Variants in TAFA2 observed in about 807,000 individuals in gnomAD.
TAFA2 encodes the protein chemokine-like protein TAFA-2.
In TAFA2, 7 loss-of-function variants were observed where a neutral mutation model predicts 18.8. The observed-to-expected ratio is 0.37, with a 90% CI of 0.21 to 0.70. The LOEUF (loss-of-function observed/expected upper bound fraction) is 0.70, where lower values mean the gene tolerates loss of function less well. Ranked by LOEUF, TAFA2 falls within the 30% of genes least tolerant of loss-of-function variation. TAFA2 has a pLI of 0.53. For missense variants in TAFA2, 122 were observed against 158.1 expected, an observed-to-expected ratio of 0.77 and a Z score of 1.23; for synonymous variants, 60 against 54.2, an observed-to-expected ratio of 1.11 and a Z score of -0.47.
At chr12:61,773,789 C>T (rs902695749) in intron 2 of TAFA2, among the ~76,000 whole-genome samples, 1 of 151,982 alleles carries the variant, frequency 6.6e-6, no homozygotes, top group Admixed American at 6.6e-5. Flanking sequence ...TAGACATTGG[C>T]TTAGGCAAAG....
chr12:61,874,615 G>C (rs368942350), intron 1 of TAFA2, among the ~76,000 whole-genome samples: 1 of 152,110 alleles, frequency 6.6e-6, no homozygotes, highest in African/African-American at 2.4e-5. Flanking sequence ...TGTTGGATTT[G>C]TGCAAATACC....
At chr12:62,006,029 A>C (rs1880538482) in intron 1 of TAFA2, among the ~76,000 whole-genome samples, 1 of 152,176 alleles carries the variant, frequency 6.6e-6, no homozygotes, top group African/African-American at 2.4e-5. Context: ...AATACTATGA[A>C]GACTCATAGC....
chr12:61,842,587 T>C (rs1873231253), intron 2 of TAFA2, among the ~76,000 whole-genome samples: 1 of 152,036 alleles, frequency 6.6e-6, no homozygotes, highest in East Asian at 1.9e-4. Context: ...GTGAACTCAT[T>C]AAAATACTTC....
At chr12:62,002,149 G>A (rs893429146) in intron 1 of TAFA2, among the ~76,000 whole-genome samples, 4 of 152,070 alleles carry the variant, frequency 2.6e-5, no homozygotes, top group East Asian at 1.9e-4. Flanking sequence ...TCCTGTAGTG[G>A]CTTATGTTTC....
At chr12:62,242,715 T>C (rs2062868130) in intron 1 of TAFA2, 1 of 152,252 alleles carries the variant, frequency 6.6e-6, no homozygotes, top group Non-Finnish European at 1.5e-5. Context: ...ATGCACATAT[T>C]ATTTTTTAAT....
intron 1 of TAFA2, among the ~76,000 whole-genome samples, chr12:62,092,214 T>C (rs151174723): frequency 1.3e-3 from 199 of 152,032 alleles, no homozygotes; most frequent in African/African-American, 4.6e-3. Context: ...CAGGAACAGA[T>C]TGTCCTATTA....
chr12:62,021,274 CT>C (rs939798390), intron 1 of TAFA2, among the ~76,000 whole-genome samples: 1 of 152,016 alleles, frequency 6.6e-6, no homozygotes, highest in Non-Finnish European at 1.5e-5. Context: ...GGAAAGGCTT[CT>C]TTTTTTAATT....
chr12:61,951,305 CA>C (rs1037083487), intron 1 of TAFA2, among the ~76,000 whole-genome samples: 1 of 151,996 alleles, frequency 6.6e-6, no homozygotes, highest in African/African-American at 2.4e-5. Flanking sequence ...ATTTTACAGG[CA>C]AATATGTTTT....
intron 1 of TAFA2, among the ~76,000 whole-genome samples, chr12:62,245,680 T>C (rs1374202934): frequency 2.0e-5 from 3 of 147,628 alleles, no homozygotes; most frequent in Non-Finnish European, 3.0e-5. Flanking sequence ...TTTTTATAAA[T>C]ATATAAAAAT....
At chr12:62,233,066 CTTTTTTTTTTTTTTTTT>C (rs34781688) in intron 1 of TAFA2, among the ~76,000 whole-genome samples, 6 of 39,534 alleles carry the variant, frequency 1.5e-4, no homozygotes, top group South Asian at 1.6e-3. Context: ...TTCTGCATCT[CTTTTTTTTTTTTTTTTT>C]TTTTTTTTTT....
intron 1 of TAFA2, among the ~76,000 whole-genome samples, chr12:62,223,359 G>C (rs923203934): frequency 6.6e-6 from 1 of 152,138 alleles, no homozygotes; most frequent in African/African-American, 2.4e-5. Flanking sequence ...TTTTGTGTGT[G>C]TGGAGATGAG....
At chr12:62,177,047 T>C (rs2062518994) in intron 1 of TAFA2, among the ~76,000 whole-genome samples, 1 of 152,230 alleles carries the variant, frequency 6.6e-6, no homozygotes, top group South Asian at 2.1e-4. Context: ...ATCACTCACG[T>C]GAAGTACTTA....
chr12:61,967,347 A>G (rs796579349), intron 1 of TAFA2, among the ~76,000 whole-genome samples: 10 of 151,984 alleles, frequency 6.6e-5, no homozygotes, highest in African/African-American at 1.9e-4. Context: ...TCCTGGTTCC[A>G]AAGAGATTCT....
At chr12:61,949,052 A>G (rs1299028909) in intron 1 of TAFA2, among the ~76,000 whole-genome samples, 1 of 152,156 alleles carries the variant, frequency 6.6e-6, no homozygotes, top group East Asian at 1.9e-4. Flanking sequence ...GATATTTGGT[A>G]AGGCATTACT....
chr12:61,924,049 A>G (rs944052412), intron 1 of TAFA2, among the ~76,000 whole-genome samples: 1 of 151,576 alleles, frequency 6.6e-6, no homozygotes, highest in Non-Finnish European at 1.5e-5. Context: ...AAAAAAAAAG[A>G]AAAGGAACGA....
chr12:61,731,269 GTC>G (rs1205815706), intron 4 of TAFA2, among the ~76,000 whole-genome samples: 9 of 152,130 alleles, frequency 5.9e-5, no homozygotes, highest in African/African-American at 2.2e-4. Context: ...TTTTTTGTCT[GTC>G]TTATGGAGTT....
At chr12:62,224,082 TACACACACACACAC>T (rs144010764) in intron 1 of TAFA2, among the ~76,000 whole-genome samples, 6 of 142,464 alleles carry the variant, frequency 4.2e-5, no homozygotes, top group African/African-American at 7.7e-5. Flanking sequence ...TATATGTGCA[TACACACACACACAC>T]ACACACACAC....
intron 1 of TAFA2, among the ~76,000 whole-genome samples, chr12:62,082,261 G>A (rs1868336050): frequency 1.3e-5 from 2 of 152,102 alleles, no homozygotes; most frequent in South Asian, 2.1e-4. Context: ...ACATATGTGT[G>A]CATGTATCTT....
intron 1 of TAFA2, among the ~76,000 whole-genome samples, chr12:62,002,605 G>A (rs1358040535): frequency 6.6e-6 from 1 of 151,982 alleles, no homozygotes; most frequent in African/African-American, 2.4e-5. Flanking sequence ...TCCACTTATT[G>A]CTTGACAATT....
Sources: gnomAD v4.1 joint callset for allele counts (sites outside exome capture counted in the v4.1 genomes callset) on GRCh38, gnomAD v4.1.1 for gene constraint, MANE v1.5 for transcripts, NCBI Gene and HGNC (gene_info 2026-07-23, HGNC 2026-07-21) for gene names.